Variants in ALKBH8 observed in about 807,000 individuals in gnomAD.
ALKBH8 encodes the protein alkB homolog 8, tRNA methyltransferase, also known as tRNA (carboxymethyluridine(34)-5-O)-methyltransferase ALKBH8.
In ALKBH8, 36 loss-of-function variants were observed where a neutral mutation model predicts 59.8. The observed-to-expected ratio is 0.60, with a 90% CI of 0.46 to 0.79. The LOEUF (loss-of-function observed/expected upper bound fraction) is 0.79, where lower values mean the gene tolerates loss of function less well. ALKBH8 is among the 30% of genes least tolerant of loss of function. The pLI is 0.00. For synonymous variants in ALKBH8, 276 were observed against 273.6 expected (o/e 1.01, Z -0.09); for missense variants, 768 against 801.0 (o/e 0.96, Z 0.50).
At chr11:107,556,227 G>A (rs530508541) in intron 3 of ALKBH8, among the ~76,000 whole-genome samples, 25 of 152,144 alleles carry the variant, frequency 1.6e-4, no homozygotes, top group Non-Finnish European at 3.2e-4. Flanking sequence ...GCAGTGAGCC[G>A]AGATTGTGCC....
rs192700900 is a variant in ALKBH8, at chr11:107,540,009, C to T, written c.772-7603G>A. Among the ~76,000 whole-genome samples, 40 of 152,260 alleles carry T rather than the reference C, an allele frequency of 2.6e-4. 1 individual carries two copies. The highest frequency in any genetic ancestry group is 4.1e-4 in the South Asian group (2 of 4,822). On this transcript the variant is annotated intron_variant, in intron 7 of 11. Coordinates refer to ENST00000428149, the MANE Select transcript of ALKBH8 (RefSeq NM_138775.3). ...GTGCCCTATGGCATCAAAGAGTGGG[C>T]GATGAAGTGTTACGGGCAGCAGCTA...
chr11:107,560,983 G>T, intron 1 of ALKBH8, 84 bp from the exon 2 acceptor site: 2 of 1,231,576 alleles, frequency 1.6e-6, no homozygotes, highest in South Asian at 1.8e-5. Flanking sequence ...ACATTCTATA[G>T]TTTATCAATA....
chr11:107,522,642 A>G lies in ALKBH8; in HGVS notation c.1031-87T>C, dbSNP rs1447481876. 9 of 1,404,448 alleles carry G rather than the reference A, an allele frequency of 6.4e-6. No homozygotes were observed. In the East Asian group the frequency reaches 7.5e-5, roughly 12 times the overall value. 87.0% of individuals were successfully genotyped at this position (1,404,448 alleles called of 1,614,324 possible). ...TTTCTTAAATGAAAAAAAAAAATCA[A>G]TGCAAATTTGGTGGGTAGACAGACT... On this transcript the variant is annotated intron_variant, in intron 9 of 11. Coordinates refer to ENST00000428149, the MANE Select transcript of ALKBH8 (RefSeq NM_138775.3).
In ALKBH8 at chr11:107,550,979, A is replaced by T. The variant is rs568991179; in HGVS notation, c.700+829T>A. Among the ~76,000 whole-genome samples the T allele has an allele frequency of 3.3e-5, 5 of 152,352 alleles. No individual in the cohort carries two copies. The South Asian group carries it at 1.0e-3, about 32-fold the overall frequency. On this transcript the variant is annotated intron_variant, in intron 6 of 11. Transcript: ENST00000428149. ...TTGTTTAAGCCAAAAAAAGTAAAAA[A>T]TAAAACCCTTAAAATCATTTGATTG...
At chr11:107,559,886 C>T (rs973287284) in intron 2 of ALKBH8, among the ~76,000 whole-genome samples, 4 of 152,010 alleles carry the variant, frequency 2.6e-5, no homozygotes, top group Admixed American at 2.0e-4. Flanking sequence ...AGTTTTAATC[C>T]CTGCTCCACC....
At chr11:107,560,653 G>A in intron 2 of ALKBH8, 112 bp downstream of exon 2, 1 of 1,042,774 alleles carries the variant, frequency 9.6e-7, no homozygotes, top group Non-Finnish European at 1.3e-6. Context: ...TAATATGGAT[G>A]TAACACATGA....
intron 8 of ALKBH8, 57 bp from the exon 9 acceptor site, chr11:107,525,649 G>A: frequency 8.2e-7 from 1 of 1,220,140 alleles, no homozygotes; most frequent in Admixed American, 3.8e-5. Flanking sequence ...AATATTTCAG[G>A]CCTTTAAAAA....
At chr11:107,511,465 T>C (rs1476387891) in intron 10 of ALKBH8, among the ~76,000 whole-genome samples, 1 of 152,192 alleles carries the variant, frequency 6.6e-6, no homozygotes, top group Admixed American at 6.5e-5. Flanking sequence ...GTATATACTA[T>C]ATTGTGATGT....
chr11:107,511,928 T>G (rs1316618976), intron 10 of ALKBH8, among the ~76,000 whole-genome samples: 2 of 152,134 alleles, frequency 1.3e-5, no homozygotes, highest in African/African-American at 4.8e-5. Context: ...TGTCAAAACT[T>G]ATCAAGAATA....
chr11:107,545,083 T>C (rs1249224616), intron 7 of ALKBH8, among the ~76,000 whole-genome samples: 1 of 152,040 alleles, frequency 6.6e-6, no homozygotes, highest in Admixed American at 6.5e-5. Context: ...GGAATCAAGA[T>C]AAAAACTAAA....
intron 7 of ALKBH8, among the ~76,000 whole-genome samples, chr11:107,546,892 C>T (rs577476215): frequency 6.6e-6 from 1 of 151,916 alleles, no homozygotes; most frequent in South Asian, 2.1e-4. Context: ...AGTAGTCATA[C>T]AAATAAAGCA....
intron 10 of ALKBH8, among the ~76,000 whole-genome samples, chr11:107,513,222 C>T (rs936248551): frequency 2.0e-5 from 3 of 152,000 alleles, no homozygotes; most frequent in Admixed American, 2.0e-4. Flanking sequence ...CAATCGGTCC[C>T]ATTAAAAAGA....
intron 8 of ALKBH8, among the ~76,000 whole-genome samples, chr11:107,526,886 T>C (rs185479937): frequency 6.6e-5 from 10 of 152,110 alleles, no homozygotes; most frequent in East Asian, 3.9e-4. Flanking sequence ...TGACCTTGTA[T>C]GTATGGAGTT....
Position 107,504,844 on chromosome 11 carries a change from A to C in ALKBH8, c.1809T>G (p.Asp603Glu), listed in dbSNP as rs1862310266. 2 of 1,551,664 alleles carry C rather than the reference A, an allele frequency of 1.3e-6. No homozygotes were observed. The highest frequency in any genetic ancestry group is 1.4e-5 in the African/African-American group (1 of 73,038). ...LVPWHLKGNP[D>E]KGKPVEPFGP... ...CAAATGGCTCAACAGGTTTGCCTTT[A>C]TCAGGATTTCCCTTAAGGTGCCAGG... The change falls in exon 12 of 12, where the codon GAT (aspartate) becomes GAG (glutamate). Residue 603 changes from aspartate to glutamate, a missense_variant. Coordinates refer to ENST00000428149, the MANE Select transcript of ALKBH8 (RefSeq NM_138775.3).
chr11:107,543,301 C>G (rs1008667482), intron 7 of ALKBH8, among the ~76,000 whole-genome samples: 3 of 151,976 alleles, frequency 2.0e-5, no homozygotes, highest in African/African-American at 7.2e-5. Flanking sequence ...CACCACTGCA[C>G]TCCAGCCTGG....
chr11:107,532,463 T>A, intron 7 of ALKBH8, 57 bp from the exon 8 acceptor site: 1 of 1,319,640 alleles, frequency 7.6e-7, no homozygotes. Context: ...ACTCCAAGGA[T>A]AAGAATGATT....
At chr11:107,515,518 G>A (rs989987141) in intron 10 of ALKBH8, among the ~76,000 whole-genome samples, 2 of 152,024 alleles carry the variant, frequency 1.3e-5, no homozygotes, top group African/African-American at 4.8e-5. Context: ...ATCATGCCTG[G>A]CTAATTTTTA....
At chr11:107,523,599 ATTC>A (rs1455697506) in intron 9 of ALKBH8, among the ~76,000 whole-genome samples, 1 of 121,190 alleles carries the variant, frequency 8.3e-6, no homozygotes, top group Admixed American at 1.2e-4. Context: ...ATGAGAATAA[ATTC>A]TTTTTTTTTT....
rs1565308356 is a variant in ALKBH8, at chr11:107,505,010, A to G, written c.1643T>C (p.Met548Thr). ...QRSLVEQMRDMGSRDSASSVP... is the reference protein window; with the variant it reads ...QRSLVEQMRDTGSRDSASSVP... Reference sequence around the variant, plus strand: ...AGAAGATGCCGAGTCTCGACTGCCCATGTCACGCATTTGCTCCACAAGTGA... The same window carrying G: ...AGAAGATGCCGAGTCTCGACTGCCCGTGTCACGCATTTGCTCCACAAGTGA... Residue 548 changes from methionine to threonine, a missense_variant, in exon 12 of 12, where the codon ATG (methionine) becomes ACG (threonine). Transcript: ENST00000428149. 1.3e-6 allele frequency: 2 copies of G among 1,551,754 alleles called. No individual in the cohort carries two copies. The highest frequency in any genetic ancestry group is 2.4e-5 in the East Asian group (1 of 40,920).
Sources: allele counts gnomAD v4.1 joint callset (sites outside exome capture counted in the v4.1 genomes callset), GRCh38; gene constraint gnomAD v4.1.1; transcripts MANE v1.5; gene names NCBI Gene and HGNC (gene_info 2026-07-23, HGNC 2026-07-21).